Variants in SPECC1 observed in about 807,000 individuals in gnomAD.
The protein encoded by SPECC1 is sperm antigen with calponin homology and coiled-coil domains 1.
SPECC1 carries 62 observed loss-of-function variants against 104.1 expected under a neutral mutation model. The ratio of observed to expected loss-of-function variants is 0.60; its 90% confidence interval spans 0.49 to 0.74. The LOEUF (loss-of-function observed/expected upper bound fraction) is 0.74, where lower values mean the gene tolerates loss of function less well. Among genes scored for constraint, SPECC1 ranks in the 30% least tolerant of loss-of-function variants. The pLI is 0.00. For synonymous variants in SPECC1, 513 were observed against 501.6 expected (o/e 1.02, Z -0.30); for missense variants, 1,306 against 1,310.5 (o/e 1.00, Z 0.05).
chr17:20,279,307 T>C (rs113974979), intron 12 of SPECC1, among the ~76,000 whole-genome samples: 2,666 of 150,170 alleles, frequency 0.018, 31 homozygotes, highest in Non-Finnish European at 0.028. Context: ...TTACTTTTCT[T>C]TCTTTTTTTT....
chr17:20,281,114 C>T (rs1195036571), intron 12 of SPECC1, among the ~76,000 whole-genome samples: 2 of 152,124 alleles, frequency 1.3e-5, no homozygotes, highest in African/African-American at 2.4e-5. Flanking sequence ...CATGGCCGGT[C>T]GGTTCCTGGA....
chr17:20,084,056 T>C (rs140577352), intron 1 of SPECC1, among the ~76,000 whole-genome samples: 112 of 152,350 alleles, frequency 7.4e-4, no homozygotes, highest in African/African-American at 2.6e-3. Flanking sequence ...TATTTAAATA[T>C]TTGGTCATTT....
chr17:20,041,300 T>C (rs1165537480), intron 1 of SPECC1, among the ~76,000 whole-genome samples: 1 of 151,446 alleles, frequency 6.6e-6, no homozygotes, highest in Non-Finnish European at 1.5e-5. Flanking sequence ...CAATGTGCAA[T>C]GGCGGGATCT....
At chr17:20,163,664 G>A (rs903454147) in intron 3 of SPECC1, among the ~76,000 whole-genome samples, 10 of 151,278 alleles carry the variant, frequency 6.6e-5, no homozygotes, top group African/African-American at 2.4e-4. Context: ...GGGTGCAGGC[G>A]GTCCTCTCAC....
intron 4 of SPECC1, among the ~76,000 whole-genome samples, chr17:20,221,594 A>G (rs2037878256): frequency 6.6e-6 from 1 of 151,938 alleles, no homozygotes; most frequent in Non-Finnish European, 1.5e-5. Flanking sequence ...TTATCTTTTC[A>G]AAAACCAACT....
At chr17:20,257,395 A>G in intron 10 of SPECC1, 56 bp from the exon 11 acceptor site, 2 of 1,514,592 alleles carry the variant, frequency 1.3e-6, no homozygotes, top group Non-Finnish European at 1.8e-6. Context: ...ATGAAGTATG[A>G]TGGCAGTCAA....
chr17:20,232,157 C>T lies in SPECC1; in HGVS notation c.2146-43C>T. ...CTGGGGTCCCTGCCCAGGCACTGGCCCTGGCAGGCGTCTGACATAAGGATG... is the reference window on the plus strand; with the variant it reads ...CTGGGGTCCCTGCCCAGGCACTGGCTCTGGCAGGCGTCTGACATAAGGATG... On this transcript the variant is annotated intron_variant, in intron 6 of 14. Transcript: ENST00000395527. 1.9e-6 allele frequency: 3 copies of T among 1,609,304 alleles called. No individual in the cohort carries two copies. The South Asian group carries it at 3.3e-5, about 18-fold the overall frequency.
chr17:20,043,171 G>A (rs2045402681), intron 1 of SPECC1, among the ~76,000 whole-genome samples: 1 of 152,150 alleles, frequency 6.6e-6, no homozygotes, highest in Non-Finnish European at 1.5e-5. Context: ...AACAGTTTTG[G>A]CGAGAAGCTG....
chr17:20,069,746 T>G (rs1040699279), intron 1 of SPECC1, among the ~76,000 whole-genome samples: 5 of 152,300 alleles, frequency 3.3e-5, no homozygotes, highest in African/African-American at 9.6e-5. Flanking sequence ...CTTCTTTAGT[T>G]TTTTCAATGA....
chr17:20,103,747 T>C (rs2048052784), intron 2 of SPECC1, among the ~76,000 whole-genome samples: 1 of 152,014 alleles, frequency 6.6e-6, no homozygotes, highest in Non-Finnish European at 1.5e-5. Context: ...GACGTCCGCA[T>C]CCCCCGTCCA....
At chr17:20,308,752 AAGGTGTG>A (rs1238784084) in intron 14 of SPECC1, among the ~76,000 whole-genome samples, 10 of 152,194 alleles carry the variant, frequency 6.6e-5, no homozygotes, top group Non-Finnish European at 1.5e-4. Context: ...GAAATTTAAA[AAGGTGTG>A]AGGAAACTTA....
intron 1 of SPECC1, among the ~76,000 whole-genome samples, chr17:20,092,712 A>T (rs1390121105): frequency 6.6e-6 from 1 of 152,320 alleles, no homozygotes; most frequent in Non-Finnish European, 1.5e-5. Context: ...ATAGTTGTCA[A>T]CAGCCTTCTG....
chr17:20,136,426 TAAAAA>T (rs10577710), intron 3 of SPECC1, among the ~76,000 whole-genome samples: 33 of 144,182 alleles, frequency 2.3e-4, no homozygotes, highest in Admixed American at 5.5e-4. Context: ...CTCCATCTAT[TAAAAA>T]AAAAAAAAAA....
chr17:20,220,280 A>C (rs1045479099), intron 4 of SPECC1, among the ~76,000 whole-genome samples: 1 of 152,126 alleles, frequency 6.6e-6, no homozygotes, highest in Non-Finnish European at 1.5e-5. Flanking sequence ...ACATTTTAAC[A>C]TATTGACTTA....
At chr17:20,262,487 A>G (rs1391431831) in intron 12 of SPECC1, among the ~76,000 whole-genome samples, 1 of 152,188 alleles carries the variant, frequency 6.6e-6, no homozygotes, top group Non-Finnish European at 1.5e-5. Flanking sequence ...ACTCAAGGTC[A>G]TGTGGGTAAT....
chr17:20,096,546 G>A (rs920010339), intron 1 of SPECC1, 85 bp from the exon 2 acceptor site: 92 of 1,407,120 alleles, frequency 6.5e-5, no homozygotes, highest in Non-Finnish European at 7.5e-5. Flanking sequence ...TCATGGTGAC[G>A]TGGTATGTGG....
At position 20,055,569 on chromosome 17, in the gene SPECC1, G is replaced by T. The variant is rs572772736; in HGVS notation, c.-21-41062G>T. ...GCAACTAATGGGATATTTGAACAGG[G>T]TGTCTGAAACTTTTAGTCTAGCAGA... On this transcript the variant is annotated intron_variant, in intron 1 of 14. Coordinates refer to ENST00000395527, the MANE Select transcript of SPECC1 (RefSeq NM_001243439.2). Among the ~76,000 whole-genome samples, 15 of 152,302 alleles carry T rather than the reference G, an allele frequency of 9.8e-5. No individual in the cohort carries two copies. The East Asian group carries it at 2.9e-3, about 29-fold the overall frequency.
intron 1 of SPECC1, among the ~76,000 whole-genome samples, chr17:20,031,246 G>A (rs376988014): frequency 8.6e-5 from 13 of 152,008 alleles, no homozygotes; most frequent in African/African-American, 2.9e-4. Flanking sequence ...CGCCTGCCTC[G>A]GCCTCCCAAA....
chr17:20,298,948 A>AGAGAGAGAGAGAGAGAGAGTGG, intron 13 of SPECC1, among the ~76,000 whole-genome samples: 1 of 49,072 alleles, frequency 2.0e-5, no homozygotes, highest in Non-Finnish European at 3.7e-5. Context: ...AGAGAGAGAG[A>AGAGAGAGAGAGAGAGAGAGTGG]GTGTGTGTGT....
Sources: gnomAD v4.1 joint callset for allele counts (sites outside exome capture counted in the v4.1 genomes callset) on GRCh38, gnomAD v4.1.1 for gene constraint, MANE v1.5 for transcripts, NCBI Gene and HGNC (gene_info 2026-07-23, HGNC 2026-07-21) for gene names.